The following ABHD8 variants were observed in gnomAD, a reference collection of about 807,000 sequenced individuals.
ABHD8 encodes protein ABHD8.
ABHD8 carries 10 observed loss-of-function variants against 29.3 expected under a neutral mutation model. The ratio of observed to expected loss-of-function variants is 0.34; its 90% CI spans 0.21 to 0.58. The LOEUF is 0.58. ABHD8 is among the 20% of genes least tolerant of loss of function. The probability of loss-of-function intolerance (pLI) is 0.85; values close to 1 mark genes in which losing one functional copy is unlikely to be tolerated. For synonymous variants in ABHD8, 282 were observed against 274.6 expected (o/e 1.03, Z -0.27); for missense variants, 556 against 615.3 (o/e 0.90, Z 1.02).
At chr19:17,303,198 C>A (rs911190920) in intron 1 of ABHD8, 44 bp downstream of exon 1, 7 of 152,260 alleles carry the variant, frequency 4.6e-5, no homozygotes, top group African/African-American at 1.7e-4. Context: ...AAGTGGAGGC[C>A]CCGGGGCTTC....
In ABHD8 at chr19:17,294,387, G is replaced by T; in HGVS notation, c.1050C>A (p.Gly350=). 6.2e-7 allele frequency: 1 copy of T among 1,613,964 alleles called. No individual in the cohort carries two copies. Among genetic ancestry groups the T allele is most frequent in the Non-Finnish European group, 8.5e-7 (1 of 1,180,000 alleles). The change falls in exon 4 of 5, where the codon GGC becomes GGA. Residue 350 remains glycine (G), a synonymous_variant. Transcript: ENST00000247706. The part of the protein sequence containing the change: ...AMMSGQYWPE[G]DEVYHAELTV... ...TGAGCTCGGCGTGGTAGACCTCGTC[G>T]CCCTCGGGCCAGTACTGGCCGCTCA...
intron 2 of ABHD8, among the ~76,000 whole-genome samples, chr19:17,295,677 G>A (rs1260791790): frequency 6.6e-6 from 1 of 152,092 alleles, no homozygotes; most frequent in African/African-American, 2.4e-5. Context: ...CAAAGTGCGG[G>A]GATTACAGGC....
chr19:17,295,265 C>T (rs2145652815), intron 2 of ABHD8, among the ~76,000 whole-genome samples: 1 of 151,986 alleles, frequency 6.6e-6, no homozygotes, highest in East Asian at 1.9e-4. Flanking sequence ...GCCACCGCGC[C>T]CGGCTAATTT....
rs1227851623 is a variant in ABHD8 at position 17,301,497 on chromosome 19, G to A, written c.120C>T (p.Pro40=). Residue 40 remains proline, a synonymous_variant, in exon 2 of 5, where the codon CCC becomes CCT. Coordinates refer to ENST00000247706, the MANE Select transcript of ABHD8 (RefSeq NM_024527.5). ...CATGCTTCACCCGCAGCACGCGGCC[G>A]GGCTTGACCTCTACAAAGGTGTAGC... ...SDGYTFVEVK[P]GRVLRVKHAG... 6.2e-7 allele frequency: 1 copy of A among 1,611,706 alleles called. No homozygotes were observed. Among genetic ancestry groups the A allele is most frequent in the South Asian group, 1.1e-5 (1 of 90,996 alleles).
Position 17,292,658 on chromosome 19 carries a change from CG to C in ABHD8, c.*2del. On this transcript the variant is annotated 3_prime_UTR_variant, in exon 5 of 5. Transcript: ENST00000247706. ...ACCAAGCGATGCCCCGCCGGCCCAGCGGCTACTTCTTGTCTTCTGGAGGCGC... is the reference window on the plus strand; with the variant it reads ...ACCAAGCGATGCCCCGCCGGCCCAGCGCTACTTCTTGTCTTCTGGAGGCGC... 1 of 1,606,106 alleles carries C rather than the reference CG, an allele frequency of 6.2e-7. No homozygotes were observed. The highest frequency in any genetic ancestry group is 8.5e-7 in the Non-Finnish European group (1 of 1,176,594).
At chr19:17,297,954 A>T (rs2074100942) in intron 2 of ABHD8, 3 of 141,886 alleles carry the variant, frequency 2.1e-5, no homozygotes, top group Non-Finnish European at 4.5e-5. Context: ...TCACTCTGTC[A>T]CCCAGGCTGG....
chr19:17,297,092 G>C (rs28419078), intron 2 of ABHD8, among the ~76,000 whole-genome samples: 3 of 152,188 alleles, frequency 2.0e-5, no homozygotes, highest in Admixed American at 2.0e-4. Context: ...TTAAGGAAAT[G>C]TTTGCCAGCC....
Position 17,300,930 on chromosome 19 carries a change from C to A in ABHD8, c.687G>T (p.Ala229=), listed in dbSNP as rs765364538. 3 of 1,612,900 alleles carry A rather than the reference C, an allele frequency of 1.9e-6. No homozygotes were observed. Among genetic ancestry groups the A allele is most frequent in the Non-Finnish European group, 2.5e-6 (3 of 1,179,478 alleles). ...PQVAAAYTFY[A]LAEDMRAIFK... is the part of the protein sequence containing the mutation. ...AGATTGCTCGCATGTCCTCAGCCAGCGCATAGAAGGTGTAGGCTGCGGCCA... is the reference window on the plus strand; with the variant it reads ...AGATTGCTCGCATGTCCTCAGCCAGAGCATAGAAGGTGTAGGCTGCGGCCA... The change falls in exon 2 of 5, where the codon GCG becomes GCT. Residue 229 remains alanine (A), a synonymous_variant. Transcript: ENST00000247706.
Position 17,301,345 on chromosome 19 carries a change from A to AGCAACCGCCCATTGCGGTACAC in ABHD8, c.250_271dup (p.Leu91ArgfsTer78). 6.2e-7 allele frequency: 1 copy of AGCAACCGCCCATTGCGGTACAC among 1,609,344 alleles called. No individual in the cohort carries two copies. Among genetic ancestry groups the AGCAACCGCCCATTGCGGTACAC allele is most frequent in the Non-Finnish European group, 8.5e-7 (1 of 1,179,868 alleles). On this transcript the variant is annotated frameshift_variant, in exon 2 of 5. Transcript: ENST00000247706. LOFTEE classifies it high-confidence loss of function. ...AGGGGCTCGGCCCAGGTTTTCCACCAGCAACCGCCCATTGCGGTACACGGT... is the reference window on the plus strand; with the variant it reads ...AGGGGCTCGGCCCAGGTTTTCCACCAGCAACCGCCCATTGCGGTACACGCAACCGCCCATTGCGGTACACGGT...
chr19:17,296,600 G>A (rs1451459074), intron 2 of ABHD8: 2 of 152,166 alleles, frequency 1.3e-5, no homozygotes, highest in African/African-American at 2.4e-5. Flanking sequence ...ACAAAAGCAG[G>A]GGTCAACAAA....
Position 17,301,454 on chromosome 19 carries a change from C to T in ABHD8, c.163G>A (p.Ala55Thr). 1.2e-6 allele frequency: 2 copies of T among 1,611,584 alleles called. No homozygotes were observed. Among genetic ancestry groups the T allele is most frequent in the Non-Finnish European group, 1.7e-6 (2 of 1,179,662 alleles). The stretch of plus-strand genomic sequence containing the variant: ...GCGGATGATGGTGGAGGTGGGGCAG[C>T]GGCTGGGGCGGGTCCTGCATGCTTC... ...RVKHAGPAPA[A>T]APPPPSSASS... The change falls in exon 2 of 5, where the codon GCT (alanine) becomes ACT (threonine). Residue 55 changes from alanine (A) to threonine (T), a missense_variant. Physicochemically the swap from Ala to Thr is moderately conservative, Grantham distance 58. Coordinates refer to ENST00000247706, the MANE Select transcript of ABHD8 (RefSeq NM_024527.5).
At chr19:17,297,485 G>A (rs553540016) in intron 2 of ABHD8, among the ~76,000 whole-genome samples, 5 of 151,990 alleles carry the variant, frequency 3.3e-5, no homozygotes, top group Admixed American at 6.6e-5. Context: ...TATTAGAGAC[G>A]GGGTTTCACC....
chr19:17,301,730 T>C (rs1599526253), intron 1 of ABHD8, 106 bp from the exon 2 acceptor site: 1 of 1,327,050 alleles, frequency 7.5e-7, no homozygotes, highest in East Asian at 2.8e-5. Context: ...GACTCCAGTT[T>C]GGGGAGCGCC....
chr19:17,294,578 C>G (rs2074085293), intron 3 of ABHD8, 74 bp from the exon 4 acceptor site: 20 of 1,609,182 alleles, frequency 1.2e-5, no homozygotes, highest in Non-Finnish European at 1.7e-5. Context: ...GATGCCAGCC[C>G]TAGTCCCAGC....
chr19:17,302,485 C>G (rs557523118), intron 1 of ABHD8, among the ~76,000 whole-genome samples: 1 of 152,192 alleles, frequency 6.6e-6, no homozygotes, highest in African/African-American at 2.4e-5. Flanking sequence ...GGTGAGCCCC[C>G]AGTGAGGCTC....
Position 17,300,950 on chromosome 19 carries a change from C to T in ABHD8, c.667G>A (p.Ala223Thr). 1 of 1,613,496 alleles carries T rather than the reference C, an allele frequency of 6.2e-7. No individual in the cohort carries two copies. The highest frequency in any genetic ancestry group is 1.7e-5 in the Admixed American group (1 of 60,014). Residue 223 changes from alanine to threonine, a missense_variant, in exon 2 of 5, where the codon GCA becomes ACA. By Grantham distance (58) the Ala-to-Thr change is moderately conservative (BLOSUM62 0). Around this residue, in one of 2 missense-constraint regions of ABHD8, gnomAD observed 270 missense variants for 353.9 expected, o/e 0.76. Coordinates refer to ENST00000247706, the MANE Select transcript of ABHD8 (RefSeq NM_024527.5). ...HGASSAPQVA[A>T]AYTFYALAED... ...GCCAGCGCATAGAAGGTGTAGGCTG[C>T]GGCCACCTGGGGCGCAGAGCTGGCC...
chr19:17,300,853 T>C lies in ABHD8; in HGVS notation c.761+3A>G, dbSNP rs529850743. ...CCCACCCCACATGCCAGGGTTCACT[T>C]ACCCGTAGGAATGGCCAATGAGCAC... On this transcript the variant is annotated splice_donor_region_variant and intron_variant, in intron 2 of 4. Coordinates refer to ENST00000247706, the MANE Select transcript of ABHD8 (RefSeq NM_024527.5). 2 of 1,582,424 alleles carry C rather than the reference T, an allele frequency of 1.3e-6. No individual in the cohort carries two copies. Among genetic ancestry groups the C allele is most frequent in the Non-Finnish European group, 1.7e-6 (2 of 1,159,488 alleles).
chr19:17,299,403 G>T (rs556452279), intron 2 of ABHD8, among the ~76,000 whole-genome samples: 7 of 151,684 alleles, frequency 4.6e-5, no homozygotes, highest in South Asian at 4.2e-4. Flanking sequence ...GTACTAAAAA[G>T]ACAAAAAATT....
chr19:17,292,202 C>A lies in ABHD8; in HGVS notation c.*459G>T. The A allele has an allele frequency of 5.3e-6, 1 of 188,272 alleles. No homozygotes were observed. Among genetic ancestry groups the A allele is most frequent in the Non-Finnish European group, 1.1e-5 (1 of 92,616 alleles). 11.7% of individuals were successfully genotyped at this position (188,272 alleles called of 1,614,324 possible). A position where few individuals can be genotyped will look rare whatever the true frequency, so the allele number is the denominator to read the frequency against. ...GTTCGGTGGCGCCAGCCCCCCCATC[C>A]CCCCCCCTTGGGCAAAAATAGCTCC... On this transcript the variant is annotated 3_prime_UTR_variant, in exon 5 of 5. Coordinates refer to ENST00000247706, the MANE Select transcript of ABHD8 (RefSeq NM_024527.5).
Sources: gnomAD v4.1 joint callset for allele counts (sites outside exome capture counted in the v4.1 genomes callset) on GRCh38, gnomAD v4.1.1 for gene constraint, gnomAD v4.1.1 regional missense constraint, MANE v1.5 for transcripts, NCBI Gene and HGNC (gene_info 2026-07-23, HGNC 2026-07-21) for gene names.